The following PPP4R3B variants were observed in gnomAD, a reference collection of about 807,000 sequenced individuals.
PPP4R3B encodes protein phosphatase 4 regulatory subunit 3B.
Under a neutral mutation model 95.4 loss-of-function variants are expected in PPP4R3B, and 52 were observed. The observed-to-expected ratio is 0.54, with a 90% CI of 0.44 to 0.69. The LOEUF (loss-of-function observed/expected upper bound fraction) is 0.69. Among genes scored for constraint, PPP4R3B ranks in the 30% least tolerant of loss-of-function variants. The pLI is 0.00. For missense variants in PPP4R3B, 1,003 were observed against 1,005.9 expected (o/e 1.00, Z 0.04); for synonymous variants, 407 against 343.9 (o/e 1.18, Z -2.03).
intron 15 of PPP4R3B, among the ~76,000 whole-genome samples, chr2:55,560,931 A>G (rs1308714143): frequency 6.6e-6 from 1 of 152,238 alleles, no homozygotes; most frequent in African/African-American, 2.4e-5. Flanking sequence ...TTGCAGCCTG[A>G]CCATGCAGTA....
chr2:55,609,320 T>C (rs1422959508), intron 2 of PPP4R3B, among the ~76,000 whole-genome samples: 1 of 152,198 alleles, frequency 6.6e-6, no homozygotes, highest in African/African-American at 2.4e-5. Flanking sequence ...AGGCCTTTTA[T>C]GATTCTTAAA....
At chr2:55,563,727 A>C (rs758918203) in intron 15 of PPP4R3B, among the ~76,000 whole-genome samples, 49 of 152,232 alleles carry the variant, frequency 3.2e-4, no homozygotes, top group Non-Finnish European at 6.3e-4. Context: ...AGTATTCCAA[A>C]AAATGGTAAT....
intron 3 of PPP4R3B, among the ~76,000 whole-genome samples, chr2:55,600,832 A>C (rs913720380): frequency 6.6e-6 from 1 of 152,170 alleles, no homozygotes; most frequent in Non-Finnish European, 1.5e-5. Flanking sequence ...ACATGAAAAA[A>C]TGAGTAATGT....
At chr2:55,582,359 G>A (rs1057258251) in intron 7 of PPP4R3B, among the ~76,000 whole-genome samples, 1 of 152,060 alleles carries the variant, frequency 6.6e-6, no homozygotes, top group East Asian at 1.9e-4. Context: ...TTACAAACCA[G>A]TCTCCTGCCT....
intron 4 of PPP4R3B, among the ~76,000 whole-genome samples, chr2:55,597,804 A>AAAATAAAT (rs934481624): frequency 6.6e-6 from 1 of 152,178 alleles, no homozygotes; most frequent in Non-Finnish European, 1.5e-5. Context: ...TCCATCTCAA[A>AAAATAAAT]AAATAAATAA....
rs1574781098 is a variant in PPP4R3B at position 55,579,316 on chromosome 2, C to T, written c.1468+363G>A. Reference sequence around the variant, plus strand: ...TTTATACTATTTGCTTCTACTCATTCTAGATATCGCACAAATTTGGCGACA... The same window carrying T: ...TTTATACTATTTGCTTCTACTCATTTTAGATATCGCACAAATTTGGCGACA... On this transcript the variant is annotated intron_variant, in intron 9 of 16. Transcript: ENST00000616407. Among the ~76,000 whole-genome samples, 2 of 152,198 alleles carry T rather than the reference C, an allele frequency of 1.3e-5. 1 individual carries two copies. Among genetic ancestry groups the T allele is most frequent in the South Asian group, 4.1e-4 (2 of 4,826 alleles).
At chr2:55,603,843 A>C in intron 3 of PPP4R3B, 135 bp downstream of exon 3, 2 of 533,452 alleles carry the variant, frequency 3.7e-6, no homozygotes, top group Non-Finnish European at 6.4e-6. Flanking sequence ...AGAATATAAA[A>C]AATTTCAAGT....
At chr2:55,586,088 T>C (rs1690101265) in intron 6 of PPP4R3B, among the ~76,000 whole-genome samples, 1 of 152,172 alleles carries the variant, frequency 6.6e-6, no homozygotes, top group South Asian at 2.1e-4. Context: ...TTGAAAAAAT[T>C]ATTTTTCATA....
chr2:55,564,362 T>A lies in PPP4R3B; in HGVS notation c.2211A>T (p.Pro737=), dbSNP rs1443011882. Residue 737 remains proline, a synonymous_variant, in exon 15 of 17, where the codon CCA becomes CCT. Coordinates refer to ENST00000616407, the MANE Select transcript of PPP4R3B (RefSeq NM_001122964.3). ...AVVAPVEKPK[P]EDDFPDNYEK... ...CATAATTATCTGGAAAATCATCTTC[T>A]GGCTTAGGTTTTTCCACTGGTGCCA... The A allele has an allele frequency of 1.8e-5, 29 of 1,613,488 alleles. No homozygotes were observed. Among genetic ancestry groups the A allele is most frequent in the Non-Finnish European group, 2.5e-5 (29 of 1,179,816 alleles).
intron 4 of PPP4R3B, among the ~76,000 whole-genome samples, chr2:55,597,395 G>A (rs1044954649): frequency 3.3e-5 from 5 of 152,118 alleles, no homozygotes; most frequent in Admixed American, 2.0e-4. Context: ...GGCTGAGGTG[G>A]GTGGATCACA....
intron 3 of PPP4R3B, among the ~76,000 whole-genome samples, chr2:55,603,246 T>C (rs145241555): frequency 0.013 from 1,974 of 152,228 alleles, 25 homozygotes; most frequent in Middle Eastern, 0.021. Flanking sequence ...AGTAACCGCG[T>C]CCGGATGGAC....
intron 13 of PPP4R3B, 61 bp downstream of exon 13, chr2:55,568,133 T>C: frequency 4.2e-6 from 5 of 1,176,716 alleles, no homozygotes; most frequent in Non-Finnish European, 5.5e-6. Flanking sequence ...TGTAATTCTT[T>C]TACATAAAAA....
At chr2:55,594,545 A>G (rs1258701203) in intron 4 of PPP4R3B, among the ~76,000 whole-genome samples, 1 of 152,186 alleles carries the variant, frequency 6.6e-6, no homozygotes, top group Non-Finnish European at 1.5e-5. Flanking sequence ...AAATATTTAT[A>G]GTTCATATAA....
intron 4 of PPP4R3B, among the ~76,000 whole-genome samples, chr2:55,597,955 C>T (rs545395712): frequency 1.3e-5 from 2 of 152,248 alleles, no homozygotes; most frequent in African/African-American, 4.8e-5. Context: ...CGGTGGCTCA[C>T]GCCTATAATC....
chr2:55,597,391 G>C (rs1288771587), intron 4 of PPP4R3B, among the ~76,000 whole-genome samples: 2 of 152,128 alleles, frequency 1.3e-5, no homozygotes, highest in African/African-American at 4.8e-5. Flanking sequence ...GGGAGGCTGA[G>C]GTGGGTGGAT....
intron 1 of PPP4R3B, 61 bp from the exon 2 acceptor site, chr2:55,615,567 G>T (rs1265004917): frequency 1.1e-5 from 14 of 1,263,094 alleles, no homozygotes; most frequent in Non-Finnish European, 1.5e-5. Flanking sequence ...ATAAAAATTA[G>T]AATACACATT....
At chr2:55,608,877 C>G (rs558204734) in intron 2 of PPP4R3B, among the ~76,000 whole-genome samples, 1 of 152,194 alleles carries the variant, frequency 6.6e-6, no homozygotes, top group African/African-American at 2.4e-5. Flanking sequence ...CCCAGCTACT[C>G]AGAAGGCTGA....
chr2:55,566,905 C>G (rs1411969687), intron 13 of PPP4R3B, among the ~76,000 whole-genome samples: 1 of 152,196 alleles, frequency 6.6e-6, no homozygotes, highest in East Asian at 1.9e-4. Flanking sequence ...ACTCAGGAGG[C>G]TGACGTGGGA....
At chr2:55,564,168 G>T in intron 15 of PPP4R3B, 145 bp downstream of exon 15, 1 of 597,016 alleles carries the variant, frequency 1.7e-6, no homozygotes, top group Non-Finnish European at 2.7e-6. Context: ...TTTGGAAAAA[G>T]TACATAATTT....
Sources: allele counts gnomAD v4.1 joint callset (sites outside exome capture counted in the v4.1 genomes callset), GRCh38; gene constraint gnomAD v4.1.1; transcripts MANE v1.5; gene names NCBI Gene and HGNC (gene_info 2026-07-23, HGNC 2026-07-21).